L3HYPDH: variants seen among roughly 807,000 people sequenced by gnomAD.
L3HYPDH encodes the protein trans-L-3-hydroxyproline dehydratase.
A neutral mutation model predicts 26.5 loss-of-function variants in L3HYPDH; 32 were observed. The observed-to-expected ratio is 1.21, with a 90% CI of 0.91 to 1.62. The LOEUF (loss-of-function observed/expected upper bound fraction) is 1.62, where lower values mean the gene tolerates loss of function less well. Ranked by LOEUF, L3HYPDH falls within the 40% of genes most tolerant of loss-of-function variation. The pLI is 0.00. For synonymous variants in L3HYPDH, 215 were observed against 196.6 expected (o/e 1.09, Z -0.78); for missense variants, 554 against 476.4 (o/e 1.16, Z -1.52).
chr14:59,494,407 A>G, the L3HYPDH span, among the ~76,000 whole-genome samples: 1 of 152,196 alleles, frequency 6.6e-6, no homozygotes, highest in Non-Finnish European at 1.5e-5. Context: ...AAGCAATAAC[A>G]TGGATGAAAC....
chr14:59,486,181 C>A (rs1176110136), upstream of L3HYPDH, among the ~76,000 whole-genome samples: 1 of 152,080 alleles, frequency 6.6e-6, no homozygotes, highest in African/African-American at 2.4e-5. Context: ...AAAGCTAGGA[C>A]AATGTAGGAA....
At chr14:59,485,003 G>C (rs1165483409), upstream of L3HYPDH, 2 of 1,583,958 alleles carry the variant, frequency 1.3e-6, no homozygotes, top group Admixed American at 1.8e-5. Flanking sequence ...TATAGCGCCC[G>C]TCACAAAGGG....
chr14:59,469,919 C>G (rs1889272052), downstream of L3HYPDH, among the ~76,000 whole-genome samples: 1 of 151,892 alleles, frequency 6.6e-6, no homozygotes, highest in Admixed American at 6.6e-5. Flanking sequence ...ACAGAGTAGT[C>G]AGGGAAGAAA....
the L3HYPDH span, among the ~76,000 whole-genome samples, chr14:59,493,333 T>TA: frequency 6.6e-6 from 1 of 152,200 alleles, no homozygotes; most frequent in African/African-American, 2.4e-5. Flanking sequence ...AGCCAGCACT[T>TA]ACTGCAGCCA....
the L3HYPDH span, chr14:59,504,962 G>C: frequency 4.2e-6 from 1 of 235,510 alleles, no homozygotes; most frequent in African/African-American, 2.2e-5. Flanking sequence ...GTTTGTGATA[G>C]GTGTTCTGTG....
chr14:59,479,371 G>C lies in L3HYPDH; in HGVS notation c.509-20C>G. 6.2e-7 allele frequency: 1 copy of C among 1,600,774 alleles called. No homozygotes were observed. Among genetic ancestry groups the C allele is most frequent in the South Asian group, 1.1e-5 (1 of 88,254 alleles). ...TGAGATCTAAAAAAAAGATGTGTTT[G>C]GAAAGAAGATGTGTTTGTTAATAAG... is the stretch of plus-strand genomic sequence containing the variant. On this transcript the variant is annotated intron_variant, in intron 1 of 4. Coordinates refer to ENST00000247194, the MANE Select transcript of L3HYPDH (RefSeq NM_144581.2).
the L3HYPDH span, among the ~76,000 whole-genome samples, chr14:59,496,380 C>T: frequency 6.6e-6 from 1 of 151,612 alleles, no homozygotes; most frequent in Non-Finnish European, 1.5e-5. Context: ...TCTCCTAAGG[C>T]CTTGCATAAC....
At chr14:59,484,853 C>A, upstream of L3HYPDH, 2 of 1,095,006 alleles carry the variant, frequency 1.8e-6, no homozygotes, top group Non-Finnish European at 2.5e-6. Context: ...TCTCTTCAGT[C>A]CCTTAGTTTA....
intron 1 of L3HYPDH, among the ~76,000 whole-genome samples, chr14:59,481,436 C>G (rs1435842951): frequency 1.3e-5 from 2 of 152,180 alleles, no homozygotes; most frequent in Admixed American, 1.3e-4. Context: ...AGTGGCAGAG[C>G]TTGGGGTCAA....
upstream of L3HYPDH, among the ~76,000 whole-genome samples, chr14:59,488,770 TTTC>T (rs1320916265): frequency 6.6e-6 from 1 of 152,360 alleles, no homozygotes; most frequent in East Asian, 1.9e-4. Context: ...CTGCAAACTC[TTTC>T]TGCTGTCTGA....
chr14:59,489,027 C>T (rs1350290259), upstream of L3HYPDH, among the ~76,000 whole-genome samples: 3 of 152,260 alleles, frequency 2.0e-5, no homozygotes, highest in Admixed American at 2.0e-4. Flanking sequence ...AAGCCTTTTT[C>T]TCATTGTGTT....
chr14:59,494,929 A>C, the L3HYPDH span: 1 of 915,162 alleles, frequency 1.1e-6, no homozygotes, highest in African/African-American at 1.6e-5. Context: ...TAGATTTAGA[A>C]ATCTGTATCT....
intron 1 of L3HYPDH, among the ~76,000 whole-genome samples, chr14:59,465,582 C>T (rs531729098): frequency 6.4e-4 from 97 of 152,320 alleles, no homozygotes; most frequent in African/African-American, 2.3e-3. Flanking sequence ...GACTGGCATG[C>T]AAACAAATGA....
chr14:59,482,736 A>T (rs1890119566), intron 1 of L3HYPDH, among the ~76,000 whole-genome samples: 1 of 152,202 alleles, frequency 6.6e-6, no homozygotes, highest in East Asian at 1.9e-4. Flanking sequence ...ATCAGTTATC[A>T]TTCATAATCA....
At chr14:59,500,853 T>A in the L3HYPDH span, 67,458 of 173,764 alleles carry the variant, frequency 0.39, 13,951 homozygotes, top group African/African-American at 0.52. Flanking sequence ...AGACTTATAT[T>A]TCTAGATGTG....
the L3HYPDH span, chr14:59,501,347 A>G: frequency 1.2e-6 from 1 of 838,300 alleles, no homozygotes; most frequent in Non-Finnish European, 1.9e-6. Flanking sequence ...ATATGATATG[A>G]TATAGTACAA....
the L3HYPDH span, among the ~76,000 whole-genome samples, chr14:59,502,773 T>TTTGGG: frequency 9.7e-6 from 1 of 102,836 alleles, no homozygotes; most frequent in Non-Finnish European, 1.8e-5. Flanking sequence ...TTTTTTTTTT[T>TTTGGG]CGGAGTCTCA....
At chr14:59,486,989 T>C (rs2139856619), upstream of L3HYPDH, among the ~76,000 whole-genome samples, 1 of 152,144 alleles carries the variant, frequency 6.6e-6, no homozygotes, top group East Asian at 1.9e-4. Flanking sequence ...TCACTTGAGG[T>C]CAGGAGTTCG....
downstream of L3HYPDH, among the ~76,000 whole-genome samples, chr14:59,472,218 C>T (rs551142475): frequency 2.0e-5 from 3 of 152,200 alleles, no homozygotes; most frequent in Non-Finnish European, 4.4e-5. Context: ...TTTAAATCTA[C>T]CTAGCATGCA....
Sources: allele counts gnomAD v4.1 joint callset (sites outside exome capture counted in the v4.1 genomes callset), GRCh38; gene constraint gnomAD v4.1.1; transcripts MANE v1.5; gene names NCBI Gene and HGNC (gene_info 2026-07-23, HGNC 2026-07-21).